The following ZNF469 variants were observed in gnomAD, a reference collection of about 807,000 sequenced individuals.
ZNF469 encodes the protein zinc finger protein 469.
Under a neutral mutation model 1.0 loss-of-function variants are expected in ZNF469, and 1 was observed. That is an observed-to-expected ratio of 1.00 (90% CI 0.35 to 4.73). The LOEUF (loss-of-function observed/expected upper bound fraction) is 4.73, where lower values mean the gene tolerates loss of function less well. Among genes scored for constraint, ZNF469 ranks in the 30% most tolerant of loss-of-function variants. The probability of loss-of-function intolerance (pLI) is 0.16; values close to 1 mark genes in which losing one functional copy is unlikely to be tolerated. For missense variants in ZNF469, 6,100 were observed against 5,356.3 expected (o/e 1.14, Z -4.33); for synonymous variants, 2,703 against 2,363.4 (o/e 1.14, Z -4.17).
At chr16:88,150,552 G>T in the ZNF469 span, among the ~76,000 whole-genome samples, 1 of 152,136 alleles carries the variant, frequency 6.6e-6, no homozygotes, top group African/African-American at 2.4e-5. Context: ...CCCCCTTTGT[G>T]GGTGGACTCT....
chr16:88,108,551 G>T, the ZNF469 span, among the ~76,000 whole-genome samples: 1 of 152,170 alleles, frequency 6.6e-6, no homozygotes, highest in South Asian at 2.1e-4. Flanking sequence ...ATCTTTGGGG[G>T]TTGAGTTGCT....
the ZNF469 span, among the ~76,000 whole-genome samples, chr16:88,179,922 G>A: frequency 2.0e-5 from 3 of 152,230 alleles, no homozygotes; most frequent in South Asian, 2.1e-4. Context: ...ATGTGAAGTG[G>A]TAGAATATTG....
the ZNF469 span, among the ~76,000 whole-genome samples, chr16:88,227,210 C>T: frequency 6.6e-6 from 1 of 152,186 alleles, no homozygotes; most frequent in Admixed American, 6.5e-5. Flanking sequence ...CCTTGCCCGT[C>T]GTGGGGATAC....
the ZNF469 span, among the ~76,000 whole-genome samples, chr16:88,184,255 G>C: frequency 6.6e-6 from 1 of 152,094 alleles, no homozygotes; most frequent in Non-Finnish European, 1.5e-5. Flanking sequence ...CGGGGTCACG[G>C]CAGCTTGGCA....
At chr16:88,293,337 G>T in the ZNF469 span, among the ~76,000 whole-genome samples, 1 of 151,804 alleles carries the variant, frequency 6.6e-6, no homozygotes, top group Non-Finnish European at 1.5e-5. Flanking sequence ...TGGATGGATG[G>T]ATGGATGGAT....
intron 1 of ZNF469, among the ~76,000 whole-genome samples, chr16:88,411,594 T>C (rs192583168): frequency 2.6e-5 from 4 of 151,458 alleles, no homozygotes; most frequent in Non-Finnish European, 5.9e-5. Context: ...GAAGGACCCC[T>C]TGGCCTGCCT....
the ZNF469 span, among the ~76,000 whole-genome samples, chr16:88,205,627 C>T: frequency 6.6e-6 from 1 of 152,176 alleles, no homozygotes; most frequent in Non-Finnish European, 1.5e-5. The surrounding 1 kb of genome is among the most constrained non-coding windows in gnomAD (Gnocchi z 4.2). Flanking sequence ...GGGCCTGGGG[C>T]TCGTCCGGCG....
At chr16:88,253,830 C>T in the ZNF469 span, among the ~76,000 whole-genome samples, 10 of 152,246 alleles carry the variant, frequency 6.6e-5, no homozygotes, top group East Asian at 1.9e-4. Flanking sequence ...TGCACCACCG[C>T]GCCCAGCCCT....
At chr16:88,203,298 C>G in the ZNF469 span, among the ~76,000 whole-genome samples, 1 of 152,156 alleles carries the variant, frequency 6.6e-6, no homozygotes, top group African/African-American at 2.4e-5. Context: ...GTCCTCAGAG[C>G]TCAGGTGGGT....
chr16:88,360,450 G>A, the ZNF469 span, among the ~76,000 whole-genome samples: 3 of 152,066 alleles, frequency 2.0e-5, no homozygotes, highest in Non-Finnish European at 2.9e-5. Flanking sequence ...GTCAGCGCCC[G>A]CATGCTCCCC....
At chr16:88,195,216 C>T in the ZNF469 span, 2 of 152,204 alleles carry the variant, frequency 1.3e-5, no homozygotes, top group African/African-American at 4.8e-5. Context: ...AACGTGCCTT[C>T]AGATGAGCGT....
At chr16:88,356,721 G>A in the ZNF469 span, among the ~76,000 whole-genome samples, 5 of 152,172 alleles carry the variant, frequency 3.3e-5, no homozygotes, top group South Asian at 4.2e-4. Flanking sequence ...CCGTCGTTCC[G>A]TGACCTTGAC....
At position 88,437,468 on chromosome 16, in the gene ZNF469, A is replaced by T; in HGVS notation, c.9998A>T (p.Lys3333Met). The T allele has an allele frequency of 6.5e-7, 1 of 1,535,500 alleles. No homozygotes were observed. The change falls in exon 3 of 3, where the codon AAG (lysine) becomes ATG (methionine). Residue 3333 changes from lysine (K) to methionine (M), a missense_variant. Coordinates refer to ENST00000565624, the MANE Select transcript of ZNF469 (RefSeq NM_001367624.2). ...LQATPVHEAC[K>M]DPSRDCHHCG... ...GCCACCCCGGTGCACGAGGCCTGCA[A>T]GGACCCCTCCCGCGACTGCCACCAC...
chr16:88,243,911 C>CATATACGTAT, the ZNF469 span, among the ~76,000 whole-genome samples: 2 of 26,274 alleles, frequency 7.6e-5, no homozygotes, highest in Non-Finnish European at 1.9e-4. Context: ...TGGCTGGATG[C>CATATACGTAT]ATATATATAT....
the ZNF469 span, among the ~76,000 whole-genome samples, chr16:88,356,978 G>A: frequency 6.6e-6 from 1 of 152,264 alleles, no homozygotes. Context: ...GTGCAGCTGT[G>A]GTGGCACATG....
the ZNF469 span, among the ~76,000 whole-genome samples, chr16:88,151,977 G>A: frequency 6.6e-6 from 1 of 152,216 alleles, no homozygotes; most frequent in African/African-American, 2.4e-5. This position sits in a 1 kb window ranked among gnomAD's most constrained non-coding sequence, Gnocchi z 5.4. Context: ...AGGAGCTGAT[G>A]TTCCCACACC....
At chr16:88,372,625 TCAC>T in the ZNF469 span, among the ~76,000 whole-genome samples, 5 of 150,314 alleles carry the variant, frequency 3.3e-5, no homozygotes, top group Non-Finnish European at 4.4e-5. Context: ...TTTGTCATCT[TCAC>T]CATCACCACC....
the ZNF469 span, among the ~76,000 whole-genome samples, chr16:88,101,219 T>C: frequency 6.6e-6 from 1 of 152,082 alleles, no homozygotes; most frequent in Non-Finnish European, 1.5e-5. Context: ...ACCGAGGGGG[T>C]GCACGCAGGG....
At chr16:88,154,864 G>C in the ZNF469 span, among the ~76,000 whole-genome samples, 1 of 152,148 alleles carries the variant, frequency 6.6e-6, no homozygotes, top group Admixed American at 6.5e-5. Flanking sequence ...CCAGATCATG[G>C]GCTTTTTTCC....
Sources: allele counts gnomAD v4.1 joint callset (sites outside exome capture counted in the v4.1 genomes callset), GRCh38; gene constraint gnomAD v4.1.1; non-coding constraint Gnocchi (gnomAD v3.1); transcripts MANE v1.5; gene names NCBI Gene and HGNC (gene_info 2026-07-23, HGNC 2026-07-21).